CDH13: variants seen among roughly 807,000 people sequenced by gnomAD.
CDH13 encodes cadherin 13.
CDH13 carries 24 observed loss-of-function variants against 63.8 expected under a neutral mutation model. The observed-to-expected ratio is 0.38, with a 90% CI of 0.27 to 0.53. The LOEUF (loss-of-function observed/expected upper bound fraction) is 0.53. CDH13 is among the 20% of genes least tolerant of loss of function. CDH13 has a pLI of 0.85. For synonymous variants in CDH13, 503 were observed against 355.3 expected (o/e 1.42, Z -4.67); for missense variants, 1,049 against 903.1 (o/e 1.16, Z -2.07).
intron 3 of CDH13, among the ~76,000 whole-genome samples, chr16:83,068,426 A>G (rs2032184278): frequency 1.3e-5 from 2 of 152,192 alleles, no homozygotes; most frequent in African/African-American, 4.8e-5. Context: ...CATATGAAAT[A>G]TGCTACCCTC....
chr16:83,779,197 G>C (rs533739996), intron 11 of CDH13, among the ~76,000 whole-genome samples: 100 of 151,950 alleles, frequency 6.6e-4, no homozygotes, highest in Non-Finnish European at 1.1e-3. Context: ...ACGAGGTCAG[G>C]AGTTTGAGAC....
chr16:82,658,753 C>T (rs553232485), intron 1 of CDH13, among the ~76,000 whole-genome samples: 18 of 152,266 alleles, frequency 1.2e-4, no homozygotes, highest in African/African-American at 4.3e-4. Flanking sequence ...TGAATGTGTG[C>T]CCAGTGTCTT....
In CDH13 at chr16:83,069,670, C is replaced by G. The variant is rs147377938; in HGVS notation, c.366+37452C>G. On this transcript the variant is annotated intron_variant, in intron 3 of 13. Coordinates refer to ENST00000567109, the MANE Select transcript of CDH13 (RefSeq NM_001257.5). ...TATCACTGCTTCCTCCAGCCTCATC[C>G]TCTTGTCTTTTCCTGGGCTGGGGCC... 1.7e-4 allele frequency among the ~76,000 whole-genome samples: 26 copies of G among 152,264 alleles called. No individual in the cohort carries two copies. The East Asian group carries it at 4.6e-3, about 27-fold the overall frequency.
At chr16:82,705,912 A>G (rs1218482813) in intron 1 of CDH13, among the ~76,000 whole-genome samples, 2 of 152,172 alleles carry the variant, frequency 1.3e-5, no homozygotes, top group Admixed American at 6.5e-5. Flanking sequence ...ATATTATTTA[A>G]TACAATCAGT....
At chr16:83,438,361 G>A (rs2072380899) in intron 6 of CDH13, among the ~76,000 whole-genome samples, 1 of 152,228 alleles carries the variant, frequency 6.6e-6, no homozygotes. Context: ...ATGGCACCAG[G>A]TGTATATTGC....
intron 6 of CDH13, among the ~76,000 whole-genome samples, chr16:83,470,122 C>G (rs921108956): frequency 1.6e-4 from 24 of 152,208 alleles, no homozygotes; most frequent in African/African-American, 5.8e-4. Context: ...CCTGCACACA[C>G]ATACACCTGT....
chr16:83,782,475 C>T (rs1567592654), intron 12 of CDH13, among the ~76,000 whole-genome samples: 2 of 152,132 alleles, frequency 1.3e-5, no homozygotes, highest in South Asian at 2.1e-4. Context: ...GTGGCTCACA[C>T]CTGTAATCCC....
At position 82,694,048 on chromosome 16, in the gene CDH13, A is replaced by G. The variant is rs566757496; in HGVS notation, c.45+66911A>G. Reference sequence around the variant, plus strand: ...TGTCCACATCTGGATTAAAATAAAAATAAAACATATACTTAAACACTATGA... The same window carrying G: ...TGTCCACATCTGGATTAAAATAAAAGTAAAACATATACTTAAACACTATGA... On this transcript the variant is annotated intron_variant, in intron 1 of 13. Coordinates refer to ENST00000567109, the MANE Select transcript of CDH13 (RefSeq NM_001257.5). 2.0e-5 allele frequency among the ~76,000 whole-genome samples: 3 copies of G among 152,372 alleles called. No homozygotes were observed. The East Asian group carries it at 5.8e-4, about 29-fold the overall frequency.
intron 7 of CDH13, among the ~76,000 whole-genome samples, chr16:83,536,795 C>G (rs986207220): frequency 6.6e-6 from 1 of 152,058 alleles, no homozygotes; most frequent in African/African-American, 2.4e-5. Flanking sequence ...GGTGCCACTT[C>G]GAGGGCTGTT....
chr16:83,095,339 C>CA (rs1402909774), intron 3 of CDH13, among the ~76,000 whole-genome samples: 3 of 151,896 alleles, frequency 2.0e-5, no homozygotes, highest in Non-Finnish European at 4.4e-5. Flanking sequence ...CAGGTACGGA[C>CA]AAAAAAAGAT....
chr16:83,036,484 C>T (rs918657431), intron 3 of CDH13, among the ~76,000 whole-genome samples: 2 of 152,080 alleles, frequency 1.3e-5, no homozygotes, highest in Non-Finnish European at 2.9e-5. Flanking sequence ...GTTCTATTGG[C>T]TCACCATCTG....
chr16:83,101,752 C>T (rs1416187370), intron 3 of CDH13, among the ~76,000 whole-genome samples: 1 of 152,164 alleles, frequency 6.6e-6, no homozygotes, highest in South Asian at 2.1e-4. Context: ...CGAGATCGTG[C>T]CCCTGCACTC....
intron 9 of CDH13, among the ~76,000 whole-genome samples, chr16:83,676,619 T>C (rs1914977665): frequency 6.6e-6 from 1 of 152,192 alleles, no homozygotes; most frequent in Non-Finnish European, 1.5e-5. Context: ...AACCGACACA[T>C]CACTGTGCAG....
chr16:83,134,544 G>GGGGAGAGA (rs2036192984), intron 4 of CDH13, among the ~76,000 whole-genome samples: 3 of 84,334 alleles, frequency 3.6e-5, no homozygotes, highest in Non-Finnish European at 6.7e-5. Context: ...TGGGGTGGGG[G>GGGGAGAGA]GAGAGAGAGA....
chr16:83,373,051 C>G (rs2091400813), intron 6 of CDH13, among the ~76,000 whole-genome samples: 1 of 152,158 alleles, frequency 6.6e-6, no homozygotes, highest in Non-Finnish European at 1.5e-5. Context: ...AATTGATCAT[C>G]TCTATCACCA....
intron 6 of CDH13, among the ~76,000 whole-genome samples, chr16:83,476,313 A>G (rs1273033311): frequency 6.6e-6 from 1 of 152,190 alleles, no homozygotes; most frequent in African/African-American, 2.4e-5. Flanking sequence ...AATGTTCCCT[A>G]GAGGGGCTAA....
intron 5 of CDH13, among the ~76,000 whole-genome samples, chr16:83,250,478 G>T (rs1905389567): frequency 6.6e-6 from 1 of 152,170 alleles, no homozygotes; most frequent in East Asian, 1.9e-4. Flanking sequence ...GCAGAAGTAT[G>T]CAGTCAGAGG....
At chr16:83,570,782 AT>A (rs1904515189) in intron 7 of CDH13, among the ~76,000 whole-genome samples, 1 of 142,642 alleles carries the variant, frequency 7.0e-6, no homozygotes, top group African/African-American at 2.6e-5. Flanking sequence ...AATAAAATAT[AT>A]TTTATATTTT....
chr16:83,125,667 T>A (rs905295879), intron 4 of CDH13, among the ~76,000 whole-genome samples, 166 bp downstream of exon 4: 1 of 152,226 alleles, frequency 6.6e-6, no homozygotes, highest in African/African-American at 2.4e-5. Context: ...ATCATTCATA[T>A]GCAAAAGAGG....
Sources: gnomAD v4.1 joint callset for allele counts (sites outside exome capture counted in the v4.1 genomes callset) on GRCh38, gnomAD v4.1.1 for gene constraint, MANE v1.5 for transcripts, NCBI Gene and HGNC (gene_info 2026-07-23, HGNC 2026-07-21) for gene names.